Variants in SEC61A2 observed in about 807,000 individuals in gnomAD.
SEC61A2 encodes protein transport protein Sec61 subunit alpha isoform 2.
Under a neutral mutation model 59.9 loss-of-function variants are expected in SEC61A2, and 28 were observed. The observed-to-expected ratio is 0.47, with a 90% CI of 0.35 to 0.64. The LOEUF (loss-of-function observed/expected upper bound fraction) is 0.64, where lower values mean the gene tolerates loss of function less well. Ranked by LOEUF, SEC61A2 falls within the 30% of genes least tolerant of loss-of-function variation. The probability of loss-of-function intolerance (pLI) is 0.01; values close to 1 mark genes in which losing one functional copy is unlikely to be tolerated. For missense variants in SEC61A2, 340 were observed against 585.9 expected (o/e 0.58, Z 4.33); for synonymous variants, 202 against 214.4 (o/e 0.94, Z 0.50).
chr10:12,135,034 G>A (rs1019984578), intron 2 of SEC61A2, among the ~76,000 whole-genome samples: 1 of 151,844 alleles, frequency 6.6e-6, no homozygotes, highest in Non-Finnish European at 1.5e-5. Context: ...GTGTGGATTT[G>A]TGCTTTAAAT....
Position 12,129,702 on chromosome 10 carries a change from A to C in SEC61A2, c.-86A>C. 1 of 1,315,102 alleles carries C rather than the reference A, an allele frequency of 7.6e-7. No individual in the cohort carries two copies. The highest frequency in any genetic ancestry group is 1.0e-6 in the Non-Finnish European group (1 of 973,128). 81.5% of individuals were successfully genotyped at this position (1,315,102 alleles called of 1,614,324 possible). A position where few individuals can be genotyped will look rare whatever the true frequency, so the allele number is the denominator to read the frequency against. Reference sequence around the variant, plus strand: ...GCGGGGCCGGTAGGATCGCGTCGGGAGCCGGTACCGAGGCCCGAGCCGCGG... The same window carrying C: ...GCGGGGCCGGTAGGATCGCGTCGGGCGCCGGTACCGAGGCCCGAGCCGCGG... On this transcript the variant is annotated 5_prime_UTR_variant, in exon 1 of 12. Transcript: ENST00000298428. This position sits in a 1 kb window ranked among gnomAD's most constrained non-coding sequence, Gnocchi z 5.6.
intron 2 of SEC61A2, among the ~76,000 whole-genome samples, chr10:12,134,167 C>T (rs1458807129): frequency 2.6e-5 from 4 of 152,176 alleles, no homozygotes; most frequent in Non-Finnish European, 5.9e-5. Flanking sequence ...CCACCATGCC[C>T]GGCTAATTTT....
chr10:12,130,214 C>G (rs1833700115), intron 1 of SEC61A2, among the ~76,000 whole-genome samples: 1 of 152,162 alleles, frequency 6.6e-6, no homozygotes, highest in African/African-American at 2.4e-5. Flanking sequence ...AAAAGTGATG[C>G]ATGGCGTGTG....
intron 4 of SEC61A2, among the ~76,000 whole-genome samples, chr10:12,144,961 A>T (rs1162077028): frequency 6.6e-6 from 1 of 151,938 alleles, no homozygotes; most frequent in Non-Finnish European, 1.5e-5. Context: ...AGGTGGGAGG[A>T]TGGCTTGAGC....
rs187507462 is a variant in SEC61A2 at position 12,138,572 on chromosome 10, T to C, written c.141+2402T>C. ...CCCAGGCTACCACTCATCTGCATCC[T>C]GTGACTGTACTTTGATTTGTTTTTT... is the stretch of plus-strand genomic sequence containing the variant. On this transcript the variant is annotated intron_variant, in intron 3 of 11. Coordinates refer to ENST00000298428, the MANE Select transcript of SEC61A2 (RefSeq NM_018144.4). Among the ~76,000 whole-genome samples the C allele has an allele frequency of 4.1e-3, 623 of 152,358 alleles. 5 individuals carry two copies. The highest frequency in any genetic ancestry group is 0.014 in the African/African-American group (597 of 41,596).
Position 12,165,110 on chromosome 10 carries a change from A to G in SEC61A2, c.*656A>G. The G allele has an allele frequency of 1.2e-5, 12 of 985,960 alleles. No individual in the cohort carries two copies. Among genetic ancestry groups the G allele is most frequent in the Non-Finnish European group, 1.4e-5 (12 of 830,156 alleles). 61.1% of individuals were successfully genotyped at this position (985,960 alleles called of 1,614,324 possible). On this transcript the variant is annotated 3_prime_UTR_variant, in exon 12 of 12. Coordinates refer to ENST00000298428, the MANE Select transcript of SEC61A2 (RefSeq NM_018144.4). ...CTCCTCCTCTCTTCCCAGTGACAGC[A>G]TCATCGTGCTGTTTGCCTGTATTGG...
chr10:12,167,406 G>T, downstream of SEC61A2: 1 of 306,784 alleles, frequency 3.3e-6, no homozygotes, highest in Non-Finnish European at 6.2e-6. Context: ...CTGTCTACCA[G>T]ACTGGACTAG....
At chr10:12,163,437 G>A (rs1402531202) in intron 11 of SEC61A2, among the ~76,000 whole-genome samples, 1 of 149,246 alleles carries the variant, frequency 6.7e-6, no homozygotes, top group Non-Finnish European at 1.5e-5. Flanking sequence ...CGATTCTCCT[G>A]TCTCAGCCTC....
In SEC61A2 at chr10:12,149,425, G is replaced by T. The variant is rs1834225824; in HGVS notation, c.221-170G>T. On this transcript the variant is annotated intron_variant, in intron 4 of 11. Coordinates refer to ENST00000298428, the MANE Select transcript of SEC61A2 (RefSeq NM_018144.4). The surrounding 1 kb of genome is among the most constrained non-coding windows in gnomAD (Gnocchi z 5.2). ...TTATTCAGGGCATTGCTGCAGGATT[G>T]TGTTAATAAATGAGAACTTTTCTTA... Among the ~76,000 whole-genome samples, 1 of 152,176 alleles carries T rather than the reference G, an allele frequency of 6.6e-6. No homozygotes were observed.
chr10:12,154,509 C>G lies in SEC61A2; in HGVS notation c.463-1269C>G, dbSNP rs992668931. On this transcript the variant is annotated intron_variant, in intron 6 of 11. Coordinates refer to ENST00000298428, the MANE Select transcript of SEC61A2 (RefSeq NM_018144.4). This position sits in a 1 kb window ranked among gnomAD's most constrained non-coding sequence, Gnocchi z 5.2. ...CTCTATGATGGGGAGTCTCTGTTCACTAATTACATGATTGTGGTTAAATAG... is the reference window on the plus strand; with the variant it reads ...CTCTATGATGGGGAGTCTCTGTTCAGTAATTACATGATTGTGGTTAAATAG... Among the ~76,000 whole-genome samples the G allele has an allele frequency of 6.6e-6, 1 of 152,152 alleles. No homozygotes were observed. The highest frequency in any genetic ancestry group is 2.4e-5 in the African/African-American group (1 of 41,424).
chr10:12,166,643 C>A, downstream of SEC61A2: 1 of 453,806 alleles, frequency 2.2e-6, no homozygotes. Flanking sequence ...CCCGCTGGAG[C>A]CAGGCTAGAA....
chr10:12,167,425 CTG>C, downstream of SEC61A2: 1 of 330,206 alleles, frequency 3.0e-6, no homozygotes, highest in Non-Finnish European at 5.7e-6. Flanking sequence ...AGAAAAGTAA[CTG>C]AGCTGTAGTT....
chr10:12,153,769 C>G lies in SEC61A2; in HGVS notation c.463-2009C>G, dbSNP rs545558692. 7.3e-5 allele frequency: 118 copies of G among 1,610,834 alleles called. No individual in the cohort carries two copies. Among genetic ancestry groups the G allele is most frequent in the Admixed American group, 3.2e-4 (19 of 59,470 alleles). On this transcript the variant is annotated intron_variant, in intron 6 of 11. Coordinates refer to ENST00000298428, the MANE Select transcript of SEC61A2 (RefSeq NM_018144.4). The surrounding 1 kb of genome is among the most constrained non-coding windows in gnomAD (Gnocchi z 5.2). ...CTAACATTGAAAATATGTGGATACA[C>G]TGAAGAGCTATGATTGGATCAGTGT...
chr10:12,150,140 A>T (rs1834241118), intron 6 of SEC61A2, among the ~76,000 whole-genome samples, 179 bp downstream of exon 6: 1 of 152,228 alleles, frequency 6.6e-6, no homozygotes, highest in Non-Finnish European at 1.5e-5. Flanking sequence ...TGTCACCGTG[A>T]CGTGTTCAAG....
At chr10:12,148,426 T>G (rs1432255363) in intron 4 of SEC61A2, among the ~76,000 whole-genome samples, 9 of 151,292 alleles carry the variant, frequency 5.9e-5, no homozygotes, top group Non-Finnish European at 1.5e-5. Flanking sequence ...TGTATTTTTA[T>G]TAGAAATGGG....
chr10:12,134,695 G>A (rs1833844213), intron 2 of SEC61A2, among the ~76,000 whole-genome samples: 1 of 152,068 alleles, frequency 6.6e-6, no homozygotes, highest in Admixed American at 6.6e-5. Context: ...GGGAGGCTGA[G>A]GCAGGTGCTC....
At position 12,158,403 on chromosome 10, in the gene SEC61A2, T is replaced by C. The variant is rs1241923109; in HGVS notation, c.975+298T>C. On this transcript the variant is annotated intron_variant, in intron 9 of 11. Coordinates refer to ENST00000298428, the MANE Select transcript of SEC61A2 (RefSeq NM_018144.4). The surrounding 1 kb of genome is among the most constrained non-coding windows in gnomAD (Gnocchi z 5.7). ...AGTAATTTCCTATTTTGTCATCTTA[T>C]TCCAGTATTGTCTACAATAATGCTT... 1 of 351,082 alleles carries C rather than the reference T, an allele frequency of 2.8e-6. No homozygotes were observed. Among genetic ancestry groups the C allele is most frequent in the Non-Finnish European group, 5.3e-6 (1 of 189,104 alleles). 21.7% of individuals were successfully genotyped at this position (351,082 alleles called of 1,614,324 possible).
intron 9 of SEC61A2, among the ~76,000 whole-genome samples, chr10:12,159,929 A>G (rs912421918): frequency 1.3e-5 from 2 of 152,208 alleles, no homozygotes; most frequent in African/African-American, 4.8e-5. Flanking sequence ...ATAATAAGAC[A>G]GTAACTCATA....
rs545318427 is a variant in SEC61A2 at position 12,155,230 on chromosome 10, A to T, written c.463-548A>T. On this transcript the variant is annotated intron_variant, in intron 6 of 11. Coordinates refer to ENST00000298428, the MANE Select transcript of SEC61A2 (RefSeq NM_018144.4). This position sits in a 1 kb window ranked among gnomAD's most constrained non-coding sequence, Gnocchi z 4.3. ...GCTGCTCGAGTACGTATTTGAGTACATATTTGTGTTCTAGTTTTTTATTCT... is the reference window on the plus strand; with the variant it reads ...GCTGCTCGAGTACGTATTTGAGTACTTATTTGTGTTCTAGTTTTTTATTCT... The T allele has an allele frequency of 2.1e-6, 2 of 957,918 alleles. No individual in the cohort carries two copies. Among genetic ancestry groups the T allele is most frequent in the Non-Finnish European group, 2.8e-6 (2 of 703,002 alleles). The allele number at this position is 957,918 out of a possible 1,614,324, so 59.3% of individuals were successfully genotyped here. A position where few individuals can be genotyped will look rare whatever the true frequency, so the allele number is the denominator to read the frequency against.
Sources: gnomAD v4.1 joint callset for allele counts (sites outside exome capture counted in the v4.1 genomes callset) on GRCh38, gnomAD v4.1.1 for gene constraint, Gnocchi (gnomAD v3.1) non-coding constraint, MANE v1.5 for transcripts, NCBI Gene and HGNC (gene_info 2026-07-23, HGNC 2026-07-21) for gene names.